MAMDC4: variants seen among roughly 807,000 people sequenced by gnomAD.
The protein encoded by MAMDC4 is MAM domain containing 4, also known as apical endosomal glycoprotein.
In MAMDC4, 168 loss-of-function variants were observed where a neutral mutation model predicts 153.3. The ratio of observed to expected loss-of-function variants is 1.10; its 90% CI spans 0.97 to 1.25. The LOEUF (loss-of-function observed/expected upper bound fraction) is 1.25, where lower values mean the gene tolerates loss of function less well. Ranked by LOEUF, MAMDC4 falls within the 50% of genes most tolerant of loss-of-function variation. The pLI is 0.00. For missense variants in MAMDC4, 1,701 were observed against 1,542.8 expected (o/e 1.10, Z -1.72); for synonymous variants, 744 against 651.5 (o/e 1.14, Z -2.16).
chr9:136,854,022 C>T lies in MAMDC4; in HGVS notation c.616C>T (p.His206Tyr). Residue 206 changes from histidine (H) to tyrosine (Y), a missense_variant, in exon 6 of 27, where the codon CAC becomes TAC. His to Tyr is a moderately conservative substitution (Grantham distance 83, BLOSUM62 2). Transcript: ENST00000317446. The part of the protein sequence containing the change: ...VTFSATRNAT[H>Y]RGAVALDDLE... ...CTTCTCTGCCACCCGAAATGCCACC[C>T]ACAGGGGCGCTGTGGCTCTAGATGA... 3.1e-6 allele frequency: 5 copies of T among 1,612,976 alleles called. No individual in the cohort carries two copies. Among genetic ancestry groups the T allele is most frequent in the Non-Finnish European group, 4.2e-6 (5 of 1,179,964 alleles).
chr9:136,858,583 C>T (rs751542344), intron 22 of MAMDC4, 37 bp downstream of exon 22: 2 of 1,565,266 alleles, frequency 1.3e-6, no homozygotes, highest in Admixed American at 3.9e-5. Flanking sequence ...GAGGCACACA[C>T]AGCCACCTGG....
Position 136,854,245 on chromosome 9 carries a change from C to T in MAMDC4, c.705C>T (p.His235=). 1 of 1,612,132 alleles carries T rather than the reference C, an allele frequency of 6.2e-7. No homozygotes were observed. The highest frequency in any genetic ancestry group is 8.5e-7 in the Non-Finnish European group (1 of 1,179,710). The change falls in exon 7 of 27, where the codon CAC becomes CAT. Residue 235 remains histidine, a synonymous_variant. Transcript: ENST00000317446. ...CCAACTGTCCCCCGGGACACCACCA[C>T]TGCCAGAACAAGGTCTGCGTGGAGC... ...PQANCPPGHH[H]CQNKVCVEPQ...
rs746417441 is a variant in MAMDC4 at position 136,858,771 on chromosome 9, C to T, written c.2874C>T (p.Ala958=). Residue 958 remains alanine, a synonymous_variant, in exon 23 of 27, where the codon GCC becomes GCT. Transcript: ENST00000317446. ...TGCTGGGCCCCGGGGGCCGGGCCGC[C>T]TGGCTGCGCAGCGAGCCTCTGCCGG... is the stretch of plus-strand genomic sequence containing the variant. ...TGVLGPGGRA[A]WLRSEPLPAT... The T allele has an allele frequency of 3.3e-5, 53 of 1,610,866 alleles. 1 individual carries two copies. In the South Asian group the frequency reaches 5.8e-4, roughly 18 times the overall value.
intron 7 of MAMDC4, 52 bp from the exon 8 acceptor site, chr9:136,854,486 CG>C (rs1848973780): frequency 2.9e-5 from 45 of 1,561,470 alleles, no homozygotes; most frequent in Non-Finnish European, 3.7e-5. Context: ...TGGGGCCATA[CG>C]GCTTCAGGAA....
chr9:136,854,281 G>C lies in MAMDC4; in HGVS notation c.741G>C (p.Leu247=), dbSNP rs767724277. 5 of 1,607,638 alleles carry C rather than the reference G, an allele frequency of 3.1e-6. No homozygotes were observed. The highest frequency in any genetic ancestry group is 4.2e-6 in the Non-Finnish European group (5 of 1,177,658). ...QNKVCVEPQQ[L]CDGEDNCGDL... is the part of the protein sequence containing the mutation. ...AGGTCTGCGTGGAGCCCCAGCAGCT[G>C]TGCGACGGGGAAGACAACTGCGGGG... is the stretch of plus-strand genomic sequence containing the variant. The change falls in exon 7 of 27, where the codon CTG becomes CTC. Residue 247 remains leucine, a synonymous_variant. Transcript: ENST00000317446.
At chr9:136,860,415 G>A in intron 26 of MAMDC4, 147 bp from the exon 27 acceptor site, 1 of 846,486 alleles carries the variant, frequency 1.2e-6, no homozygotes, top group Non-Finnish European at 1.8e-6. Flanking sequence ...CAACTACTCG[G>A]GAGGCTGAGG....
rs762595893 is a variant in MAMDC4 at position 136,857,739 on chromosome 9, C to A, written c.2407C>A (p.Pro803Thr). The A allele has an allele frequency of 1.3e-5, 21 of 1,612,674 alleles. No individual in the cohort carries two copies. Among genetic ancestry groups the A allele is most frequent in the Non-Finnish European group, 1.5e-5 (18 of 1,179,866 alleles). Residue 803 changes from proline to threonine, a missense_variant, in exon 19 of 27, where the codon CCC becomes ACC. By Grantham distance (38) the Pro-to-Thr change is conservative. Transcript: ENST00000317446. ...CTCCCTGACCTCCAAGGAGCACAGG[C>A]CCCTGGCCCAGCCTGCTTGTCTGAC... ...TASLTSKEHR[P>T]LAQPACLTFW...
chr9:136,858,655 T>C, intron 22 of MAMDC4, 64 bp from the exon 23 acceptor site: 1 of 1,600,730 alleles, frequency 6.2e-7, no homozygotes, highest in Non-Finnish European at 8.5e-7. Flanking sequence ...TCACCGAGCC[T>C]CTGCTCGGGC....
chr9:136,859,367 C>A, intron 25 of MAMDC4, 50 bp downstream of exon 25: 1 of 1,521,948 alleles, frequency 6.6e-7, no homozygotes, highest in Non-Finnish European at 8.9e-7. Flanking sequence ...AAGGGGCCAG[C>A]CTGGCTCGGG....
rs1302073200 is a variant in MAMDC4, at chr9:136,854,683, C to T, written c.934+7C>T. The T allele has an allele frequency of 1.9e-6, 3 of 1,610,774 alleles. No homozygotes were observed. Among genetic ancestry groups the T allele is most frequent in the Non-Finnish European group, 2.5e-6 (3 of 1,179,178 alleles). ...AGCCGGAACAGTGCACAGGGTGAGG[C>T]CCACAGAGGACCCGGCCCAGGCCCT... On this transcript the variant is annotated splice_region_variant and intron_variant, in intron 8 of 26. Transcript: ENST00000317446.
chr9:136,854,733 C>T (rs1462048243), intron 8 of MAMDC4, 29 bp from the exon 9 acceptor site: 4 of 1,612,430 alleles, frequency 2.5e-6, no homozygotes, highest in African/African-American at 2.7e-5. Flanking sequence ...AGCCCAGTGG[C>T]CCTGGCCCAC....
Position 136,858,889 on chromosome 9 carries a change from G to A in MAMDC4, c.2956+36G>A, listed in dbSNP as rs750701344. On this transcript the variant is annotated intron_variant, in intron 23 of 26. Transcript: ENST00000317446. ...CTGGGCCAATGGGTGCCTGGGCAACGGGGGCAGCAGGGGTCCAGGAGCAGA... is the reference window on the plus strand; with the variant it reads ...CTGGGCCAATGGGTGCCTGGGCAACAGGGGCAGCAGGGGTCCAGGAGCAGA... 2.0e-5 allele frequency: 32 copies of A among 1,583,668 alleles called. No individual in the cohort carries two copies. The Admixed American group carries it at 2.9e-4, about 15-fold the overall frequency.
Position 136,855,441 on chromosome 9 carries a change from C to G in MAMDC4, c.1293C>G (p.Thr431=). The G allele has an allele frequency of 1.2e-6, 2 of 1,609,438 alleles. No homozygotes were observed. The highest frequency in any genetic ancestry group is 1.7e-6 in the Non-Finnish European group (2 of 1,178,400). Residue 431 remains threonine, a synonymous_variant, in exon 12 of 27, where the codon ACC becomes ACG. Coordinates refer to ENST00000317446, the MANE Select transcript of MAMDC4 (RefSeq NM_206920.3). ...GTTCTGCCCCCACAGAGGTGTCCAC[C>G]CTGCAGCCGCTGCCTCCTGGGCCCC... ...DHCRPVSEVS[T]LQPLPPGPRA... is the part of the protein sequence containing the mutation.
chr9:136,853,968 G>T, intron 5 of MAMDC4, 24 bp from the exon 6 acceptor site: 1 of 1,612,884 alleles, frequency 6.2e-7, no homozygotes, highest in Non-Finnish European at 8.5e-7. Context: ...CCTGACTTAG[G>T]TCCTAAGAGC....
chr9:136,858,837 T>C lies in MAMDC4; in HGVS notation c.2940T>C (p.Gly980=). 1 of 1,609,724 alleles carries C rather than the reference T, an allele frequency of 6.2e-7. No homozygotes were observed. The highest frequency in any genetic ancestry group is 8.5e-7 in the Non-Finnish European group (1 of 1,178,450). ...GCCTCCGCTTCTGGTACCACATGGG[T>C]TTTCCTGAGCACTTCTGTGAGTCCG... ...ASCLRFWYHM[G]FPEHFYKGEL... Residue 980 remains glycine, a synonymous_variant, in exon 23 of 27, where the codon GGT becomes GGC. Coordinates refer to ENST00000317446, the MANE Select transcript of MAMDC4 (RefSeq NM_206920.3).
At chr9:136,852,726 G>C (rs993816095) in intron 1 of MAMDC4, among the ~76,000 whole-genome samples, 1 of 152,206 alleles carries the variant, frequency 6.6e-6, no homozygotes, top group African/African-American at 2.4e-5. Context: ...AGCTCTGCCA[G>C]CCTTCATCTG....
intron 25 of MAMDC4, 186 bp from the exon 26 acceptor site, chr9:136,859,700 C>T (rs1037064322): frequency 9.5e-6 from 6 of 633,528 alleles, no homozygotes; most frequent in African/African-American, 9.2e-5. Flanking sequence ...ACCAAGTCTG[C>T]AGACAGCAGC....
rs138838642 is a variant in MAMDC4, at chr9:136,853,170, G to A, written c.115G>A (p.Val39Met). The A allele has an allele frequency of 1.1e-4, 176 of 1,612,832 alleles. No homozygotes were observed. The highest frequency in any genetic ancestry group is 2.9e-4 in the East Asian group (13 of 44,888). ...CCCTGGCCAGGCCGTGTGCAACTTC[G>A]TGTGTGACTGCAGGGACTGCTCAGA... Reference protein sequence around the residue: ...RSPGQAVCNFVCDCRDCSDEA... With the variant: ...RSPGQAVCNFMCDCRDCSDEA... Residue 39 changes from valine (V) to methionine (M), a missense_variant, in exon 2 of 27, where the codon GTG (valine) becomes ATG (methionine). By Grantham distance (21) the Val-to-Met change is conservative. Coordinates refer to ENST00000317446, the MANE Select transcript of MAMDC4 (RefSeq NM_206920.3).
chr9:136,852,672 ACTCCC>A (rs1320218110), intron 1 of MAMDC4, among the ~76,000 whole-genome samples: 8 of 151,736 alleles, frequency 5.3e-5, no homozygotes, highest in African/African-American at 1.7e-4. Flanking sequence ...AAGAGGCACG[ACTCCC>A]CTCCCAGTCT....
Sources: allele counts gnomAD v4.1 joint callset (sites outside exome capture counted in the v4.1 genomes callset), GRCh38; gene constraint gnomAD v4.1.1; transcripts MANE v1.5; gene names NCBI Gene and HGNC (gene_info 2026-07-23, HGNC 2026-07-21).